NALCN: variants seen among roughly 807,000 people sequenced by gnomAD.
The protein encoded by NALCN is sodium leak channel, non-selective.
A neutral mutation model predicts 225.3 loss-of-function variants in NALCN; 111 were observed. The ratio of observed to expected loss-of-function variants is 0.49; its 90% CI spans 0.42 to 0.58. NALCN has a LOEUF of 0.58. Among genes scored for constraint, NALCN ranks in the 20% least tolerant of loss-of-function variants. The pLI, the probability that NALCN is intolerant of heterozygous loss-of-function variation, is 0.00. For synonymous variants in NALCN, 764 were observed against 769.0 expected (o/e 0.99, Z 0.11); for missense variants, 1,378 against 2,202.4 (o/e 0.63, Z 7.49).
intron 10 of NALCN, among the ~76,000 whole-genome samples, chr13:101,260,285 A>G (rs2042382218): frequency 6.6e-6 from 1 of 152,226 alleles, no homozygotes; most frequent in African/African-American, 2.4e-5. Flanking sequence ...GTTGATGGAC[A>G]CTTAGGTTGC....
chr13:101,327,638 C>A (rs548305199), intron 7 of NALCN, among the ~76,000 whole-genome samples: 1 of 152,104 alleles, frequency 6.6e-6, no homozygotes, highest in South Asian at 2.1e-4. Flanking sequence ...CCCAGGTAAT[C>A]CTTCTTTTAA....
intron 1 of NALCN, among the ~76,000 whole-genome samples, chr13:101,414,516 T>C (rs2047877913): frequency 6.8e-6 from 1 of 148,078 alleles, no homozygotes; most frequent in Non-Finnish European, 1.5e-5. Context: ...TGTACATTTG[T>C]GTATACACAT....
At chr13:101,398,648 T>A (rs1025694521) in intron 2 of NALCN, among the ~76,000 whole-genome samples, 3 of 152,148 alleles carry the variant, frequency 2.0e-5, no homozygotes, top group African/African-American at 7.2e-5. Context: ...CATGTGCATA[T>A]TGTCTCACGG....
chr13:101,140,533 G>A (rs867193067), intron 17 of NALCN, among the ~76,000 whole-genome samples: 32 of 152,166 alleles, frequency 2.1e-4, no homozygotes, highest in African/African-American at 6.5e-4. Context: ...GGAGATAAGT[G>A]GTCACAAGGA....
At chr13:101,081,402 T>C in intron 34 of NALCN, 125 bp downstream of exon 34, 1 of 1,368,452 alleles carries the variant, frequency 7.3e-7, no homozygotes, top group East Asian at 2.3e-5. Context: ...AGCTGGGCTT[T>C]AGGGAGGTCC....
intron 7 of NALCN, among the ~76,000 whole-genome samples, chr13:101,340,778 A>T (rs1255331699): frequency 6.6e-6 from 1 of 152,142 alleles, no homozygotes; most frequent in Non-Finnish European, 1.5e-5. Context: ...AAATAGCATA[A>T]CTCTATTCAG....
chr13:101,090,737 G>C (rs1173557547), intron 28 of NALCN, among the ~76,000 whole-genome samples: 1 of 152,048 alleles, frequency 6.6e-6, no homozygotes, highest in African/African-American at 2.4e-5. Flanking sequence ...TATAGATTTG[G>C]GGGGTACACG....
chr13:101,311,595 T>G (rs1461938536), intron 7 of NALCN, among the ~76,000 whole-genome samples: 2 of 152,150 alleles, frequency 1.3e-5, no homozygotes, highest in African/African-American at 4.8e-5. Context: ...GTCAAAGGCC[T>G]TTTCTGCATG....
chr13:101,389,685 A>G lies in NALCN; in HGVS notation c.291+5498T>C, dbSNP rs57060872. ...CAATATGCAGAGGCTACTCTACCCA[A>G]TGTGTGGGAAAAACTCCCATTTCAT... On this transcript the variant is annotated intron_variant, in intron 3 of 43. Coordinates refer to ENST00000251127, the MANE Select transcript of NALCN (RefSeq NM_052867.4). Among the ~76,000 whole-genome samples the G allele has an allele frequency of 5.4e-3, 824 of 152,326 alleles. 12 individuals carry two copies. Among genetic ancestry groups the G allele is most frequent in the African/African-American group, 0.019 (784 of 41,572 alleles).
chr13:101,279,859 A>ATAAATAAATAAC, intron 10 of NALCN, among the ~76,000 whole-genome samples: 1 of 149,724 alleles, frequency 6.7e-6, no homozygotes. Context: ...AAATAAATAA[A>ATAAATAAATAAC]TAAATAAATA....
chr13:101,383,662 A>C (rs139390778), intron 3 of NALCN, among the ~76,000 whole-genome samples: 4 of 152,356 alleles, frequency 2.6e-5, no homozygotes, highest in Admixed American at 2.6e-4. Flanking sequence ...TAATGAATGC[A>C]TCCATCCATC....
chr13:101,146,234 T>C (rs1042420718), intron 15 of NALCN, among the ~76,000 whole-genome samples: 3 of 152,216 alleles, frequency 2.0e-5, no homozygotes, highest in African/African-American at 7.2e-5. Context: ...CATTTGTAAG[T>C]CTGATTTGAT....
At chr13:101,202,697 A>G (rs1381229149) in intron 13 of NALCN, among the ~76,000 whole-genome samples, 1 of 152,130 alleles carries the variant, frequency 6.6e-6, no homozygotes, top group Non-Finnish European at 1.5e-5. Context: ...CTCCAAAGGG[A>G]CTTCGACACT....
chr13:101,336,631 A>G (rs1459090408), intron 7 of NALCN, among the ~76,000 whole-genome samples: 1 of 152,196 alleles, frequency 6.6e-6, no homozygotes. Context: ...TATTTTAAGG[A>G]GGATATATAT....
chr13:101,154,019 A>G (rs1011240881), intron 15 of NALCN, among the ~76,000 whole-genome samples: 1 of 152,190 alleles, frequency 6.6e-6, no homozygotes, highest in African/African-American at 2.4e-5. Context: ...ACTCTTATAA[A>G]TCCTTCCAAA....
intron 11 of NALCN, among the ~76,000 whole-genome samples, chr13:101,255,135 GT>G (rs2042189437): frequency 6.6e-6 from 1 of 151,922 alleles, no homozygotes; most frequent in Admixed American, 6.6e-5. Flanking sequence ...TCTGTCTGTT[GT>G]TGAGGTTGTT....
At chr13:101,317,536 T>C (rs2044593991) in intron 7 of NALCN, among the ~76,000 whole-genome samples, 2 of 152,194 alleles carry the variant, frequency 1.3e-5, no homozygotes, top group South Asian at 4.1e-4. Flanking sequence ...TAATTTCCTA[T>C]TGTACTGCTC....
chr13:101,316,131 T>A (rs1566567514), intron 7 of NALCN, among the ~76,000 whole-genome samples: 1 of 152,198 alleles, frequency 6.6e-6, no homozygotes, highest in Non-Finnish European at 1.5e-5. Context: ...AGATCATATA[T>A]GAGAATCCAC....
intron 7 of NALCN, among the ~76,000 whole-genome samples, chr13:101,327,820 C>A (rs1366890434): frequency 6.6e-6 from 1 of 152,054 alleles, no homozygotes; most frequent in African/African-American, 2.4e-5. Context: ...AAGATAGAAT[C>A]AAAAAAGAAG....
Sources: allele counts gnomAD v4.1 joint callset (sites outside exome capture counted in the v4.1 genomes callset), GRCh38; gene constraint gnomAD v4.1.1; transcripts MANE v1.5; gene names NCBI Gene and HGNC (gene_info 2026-07-23, HGNC 2026-07-21).